The following MAST3 variants were observed in gnomAD, a reference collection of about 807,000 sequenced individuals.
MAST3 encodes microtubule associated serine/threonine kinase 3, also known as microtubule-associated serine/threonine-protein kinase 3.
A neutral mutation model predicts 127.0 loss-of-function variants in MAST3; 43 were observed. The observed-to-expected ratio is 0.34, with a 90% confidence interval of 0.27 to 0.44. MAST3 has a LOEUF of 0.44. Ranked by LOEUF, MAST3 falls within the 20% of genes least tolerant of loss-of-function variation. The pLI is 1.00. For missense variants in MAST3, 1,390 were observed against 1,919.1 expected (o/e 0.72, Z 5.15); for synonymous variants, 785 against 809.2 (o/e 0.97, Z 0.51).
At chr19:18,118,377 G>A (rs923496019) in intron 3 of MAST3, 1 of 463,536 alleles carries the variant, frequency 2.2e-6, no homozygotes, top group African/African-American at 2.1e-5. Context: ...CAGTGGGAAG[G>A]GGGGAGGACG....
intron 2 of MAST3, among the ~76,000 whole-genome samples, chr19:18,109,560 AGAGT>A (rs10580684): frequency 0.25 from 37,862 of 151,912 alleles, 4,722 homozygotes; most frequent in Non-Finnish European, 0.27. Flanking sequence ...CAAGAGGGCC[AGAGT>A]GAGACACAGA....
chr19:18,143,996 C>G lies in MAST3; in HGVS notation c.2573C>G (p.Ser858Trp). 6.4e-7 allele frequency: 1 copy of G among 1,567,524 alleles called. No individual in the cohort carries two copies. The highest frequency in any genetic ancestry group is 8.7e-7 in the Non-Finnish European group (1 of 1,155,992). ...GCCACCCCAGTGATGCCCAAGCCCT[C>G]GAGCCTTTCTGGTAAGTGGGGCCCT... Reference protein sequence around the residue: ...PAATPVMPKPSSLSADTAALS... With the variant: ...PAATPVMPKPWSLSADTAALS... Residue 858 changes from serine (S) to tryptophan (W), a missense_variant, in exon 22 of 28, where the codon TCG becomes TGG. Physicochemically the swap from Ser to Trp is radical, Grantham distance 177. This residue lies in a region of MAST3 where 816 missense variants were observed against 934.1 expected (regional missense o/e 0.87). Transcript: ENST00000687212.
At chr19:18,140,037 TCTCGATCTCCTGAC>T (rs2042289667) in intron 20 of MAST3, among the ~76,000 whole-genome samples, 1 of 150,786 alleles carries the variant, frequency 6.6e-6, no homozygotes, top group Non-Finnish European at 1.5e-5. Flanking sequence ...GCCAGGATGG[TCTCGATCTCCTGAC>T]CTCGTGATCC....
chr19:18,129,750 C>T (rs2041052004), intron 13 of MAST3, among the ~76,000 whole-genome samples: 1 of 151,810 alleles, frequency 6.6e-6, no homozygotes, highest in Non-Finnish European at 1.5e-5. Flanking sequence ...CATGGCAAAA[C>T]TCCATCAATA....
At chr19:18,104,548 C>T (rs2146838053) in intron 1 of MAST3, among the ~76,000 whole-genome samples, 1 of 152,206 alleles carries the variant, frequency 6.6e-6, no homozygotes, top group African/African-American at 2.4e-5. Flanking sequence ...CTGTAGGGGC[C>T]GATGGCGTCA....
At chr19:18,120,102 G>A (rs1183825664) in intron 3 of MAST3, among the ~76,000 whole-genome samples, 2 of 152,190 alleles carry the variant, frequency 1.3e-5, no homozygotes, top group Non-Finnish European at 2.9e-5. Flanking sequence ...CAGGGTGTGA[G>A]AGACCTGGGC....
chr19:18,147,374 A>G, intron 26 of MAST3, 69 bp from the exon 27 acceptor site: 1 of 1,420,830 alleles, frequency 7.0e-7, no homozygotes, highest in South Asian at 1.2e-5. Context: ...AAGTGCTGGG[A>G]TTACAGGTGT....
chr19:18,149,750 C>CATCAA lies in MAST3; in HGVS notation c.*26_*30dup. On this transcript the variant is annotated 3_prime_UTR_variant, in exon 28 of 28. Coordinates refer to ENST00000687212, the MANE Select transcript of MAST3 (RefSeq NM_001393504.1). This position sits in a 1 kb window ranked among gnomAD's most constrained non-coding sequence, Gnocchi z 5.9. Reference sequence around the variant, plus strand: ...GATCCCCTGCCAGGTCTCTCCCTGGCATCAAAGTTACGCGTTTTCTTGTGC... The same window carrying CATCAA: ...GATCCCCTGCCAGGTCTCTCCCTGGCATCAAATCAAAGTTACGCGTTTTCTTGTGC... 6.2e-7 allele frequency: 1 copy of CATCAA among 1,609,048 alleles called. No homozygotes were observed. Among genetic ancestry groups the CATCAA allele is most frequent in the South Asian group, 1.1e-5 (1 of 90,750 alleles).
In MAST3 at chr19:18,149,402, C is replaced by T; in HGVS notation, c.3720C>T (p.Pro1240=). The change falls in exon 28 of 28, where the codon CCC becomes CCT. Residue 1240 remains proline, a synonymous_variant. Coordinates refer to ENST00000687212, the MANE Select transcript of MAST3 (RefSeq NM_001393504.1). This position sits in a 1 kb window ranked among gnomAD's most constrained non-coding sequence, Gnocchi z 5.9. Reference sequence around the variant, plus strand: ...TCTCCGCGCCCCCACCCCGCTCGCCCTCGCCCCTGCCCGGGCACCCGCCCG... The same window carrying T: ...TCTCCGCGCCCCCACCCCGCTCGCCTTCGCCCCTGCCCGGGCACCCGCCCG... ...PPISAPPPRS[P]SPLPGHPPAP... is the part of the protein sequence containing the mutation. The T allele has an allele frequency of 6.8e-7, 1 of 1,466,432 alleles. No homozygotes were observed. Among genetic ancestry groups the T allele is most frequent in the Non-Finnish European group, 9.0e-7 (1 of 1,116,532 alleles). 90.8% of individuals were successfully genotyped at this position (1,466,432 alleles called of 1,614,324 possible). A position where few individuals can be genotyped will look rare whatever the true frequency, so the allele number is the denominator to read the frequency against.
chr19:18,105,777 T>C (rs963626805), intron 1 of MAST3, among the ~76,000 whole-genome samples: 41 of 152,284 alleles, frequency 2.7e-4, no homozygotes, highest in African/African-American at 9.6e-4. Context: ...TTTCTATCCT[T>C]CATGCGGTGA....
In MAST3 at chr19:18,134,939, C is replaced by T. The variant is rs1568591246; in HGVS notation, c.1827C>T (p.Phe609=). ...AGTTTCTGGTGGGCTGCGTGCCTTT[C>T]TTTGGAGATACCCCCGAGGAACTCT... ...LYEFLVGCVP[F]FGDTPEELFG... Residue 609 remains phenylalanine, a synonymous_variant, in exon 17 of 28, where the codon TTC becomes TTT. Coordinates refer to ENST00000687212, the MANE Select transcript of MAST3 (RefSeq NM_001393504.1). 1.2e-6 allele frequency: 2 copies of T among 1,613,836 alleles called. No individual in the cohort carries two copies. Among genetic ancestry groups the T allele is most frequent in the Non-Finnish European group, 1.7e-6 (2 of 1,179,796 alleles).
chr19:18,123,869 C>T, intron 8 of MAST3, 70 bp from the exon 9 acceptor site: 1 of 1,416,770 alleles, frequency 7.1e-7, no homozygotes, highest in Non-Finnish European at 9.6e-7. Flanking sequence ...CCATGCCTCT[C>T]CTGCCCCATT....
chr19:18,135,422 G>A (rs753221821), intron 17 of MAST3, among the ~76,000 whole-genome samples: 1 of 152,100 alleles, frequency 6.6e-6, no homozygotes, highest in Non-Finnish European at 1.5e-5. Context: ...CTGAGATTGT[G>A]CCACTGCACT....
In MAST3 at chr19:18,124,734, C is replaced by T; in HGVS notation, c.1038C>T (p.Tyr346=). 1 of 1,607,430 alleles carries T rather than the reference C, an allele frequency of 6.2e-7. No individual in the cohort carries two copies. Among genetic ancestry groups the T allele is most frequent in the Non-Finnish European group, 8.5e-7 (1 of 1,176,020 alleles). Residue 346 remains tyrosine (Y), a synonymous_variant, in exon 11 of 28, where the codon TAC becomes TAT. Coordinates refer to ENST00000687212, the MANE Select transcript of MAST3 (RefSeq NM_001393504.1). ...GCATTAAGACTGACCTTCCACAGTA[C>T]ATCATTGGGCAGCTGGGCCTGGCCA... is the stretch of plus-strand genomic sequence containing the variant. The part of the protein sequence containing the change: ...GQGIKTDLPQ[Y]IIGQLGLAKD...
At chr19:18,113,480 G>A (rs2038882194) in intron 3 of MAST3, among the ~76,000 whole-genome samples, 1 of 151,716 alleles carries the variant, frequency 6.6e-6, no homozygotes, top group African/African-American at 2.4e-5. Flanking sequence ...GTTTGTTTGA[G>A]ACGGAGTTTT....
chr19:18,102,314 G>A (rs2037706723), intron 1 of MAST3, among the ~76,000 whole-genome samples: 2 of 152,104 alleles, frequency 1.3e-5, no homozygotes, highest in Non-Finnish European at 2.9e-5. Flanking sequence ...CAGGTAGCTG[G>A]GATTACAGGC....
rs763549979 is a variant in MAST3, at chr19:18,145,095, C to T, written c.2905C>T (p.Pro969Ser). The T allele has an allele frequency of 3.1e-6, 5 of 1,613,544 alleles. No individual in the cohort carries two copies. Among genetic ancestry groups the T allele is most frequent in the South Asian group, 2.2e-5 (2 of 91,076 alleles). The change falls in exon 24 of 28, where the codon CCG becomes TCG. Residue 969 changes from proline to serine, a missense_variant. Physicochemically the swap from Pro to Ser is moderately conservative, Grantham distance 74 (BLOSUM62 -1). This residue lies in a region of MAST3 where 816 missense variants were observed against 934.1 expected (regional missense o/e 0.87). Transcript: ENST00000687212. This position sits in a 1 kb window ranked among gnomAD's most constrained non-coding sequence, Gnocchi z 5.9. ...SSRDSSPSRD[P>S]SPVCGSLRPP... is the part of the protein sequence containing the mutation. ...CCGTGACTCTTCGCCGAGCCGAGACCCGTCCCCCGTGTGTGGCAGCCTGCG... is the reference window on the plus strand; with the variant it reads ...CCGTGACTCTTCGCCGAGCCGAGACTCGTCCCCCGTGTGTGGCAGCCTGCG...
intron 15 of MAST3, among the ~76,000 whole-genome samples, chr19:18,132,948 C>T (rs1313665615): frequency 6.6e-6 from 1 of 152,136 alleles, no homozygotes; most frequent in Non-Finnish European, 1.5e-5. Flanking sequence ...ACTAAAAATA[C>T]AAAAATCAGC....
Position 18,149,243 on chromosome 19 carries a change from C to G in MAST3, c.3561C>G (p.Ser1187=). 6.4e-7 allele frequency: 1 copy of G among 1,562,160 alleles called. No homozygotes were observed. The highest frequency in any genetic ancestry group is 8.6e-7 in the Non-Finnish European group (1 of 1,157,784). Residue 1187 remains serine, a synonymous_variant, in exon 28 of 28, where the codon TCC becomes TCG. Transcript: ENST00000687212. This position sits in a 1 kb window ranked among gnomAD's most constrained non-coding sequence, Gnocchi z 5.9. ...CCCCGAGCTCCAGCAGCCCCGCCTCCCCAGCTGCTGCTGGCCACACCCGCC... is the reference window on the plus strand; with the variant it reads ...CCCCGAGCTCCAGCAGCCCCGCCTCGCCAGCTGCTGCTGGCCACACCCGCC... The part of the protein sequence containing the change: ...SASPSSSSPA[S]PAAAGHTRPS...
Sources: gnomAD v4.1 joint callset for allele counts (sites outside exome capture counted in the v4.1 genomes callset) on GRCh38, gnomAD v4.1.1 for gene constraint, gnomAD v4.1.1 regional missense constraint, Gnocchi (gnomAD v3.1) non-coding constraint, MANE v1.5 for transcripts, NCBI Gene and HGNC (gene_info 2026-07-23, HGNC 2026-07-21) for gene names.